Variants in TJP2 observed in about 807,000 individuals in gnomAD.
TJP2 encodes the protein Friedreich ataxia region gene X104 (tight junction protein ZO-2).
Under a neutral mutation model 133.1 loss-of-function variants are expected in TJP2, and 91 were observed. The ratio of observed to expected loss-of-function variants is 0.68; its 90% confidence interval spans 0.58 to 0.81. The LOEUF is 0.81. TJP2 is among the 40% of genes least tolerant of loss of function. The pLI is 0.00. For synonymous variants in TJP2, 592 were observed against 583.4 expected (o/e 1.01, Z -0.21); for missense variants, 1,541 against 1,565.6 (o/e 0.98, Z 0.26).
intron 17 of TJP2, 41 bp from the exon 18 acceptor site, chr9:69,246,649 T>G: frequency 6.5e-7 from 1 of 1,536,730 alleles, no homozygotes; most frequent in Non-Finnish European, 9.0e-7. Context: ...TAAACATGCC[T>G]CTGGAAATTA....
rs980051749 is a variant in TJP2, at chr9:69,246,533, A to G, written c.2567-157A>G. On this transcript the variant is annotated intron_variant, in intron 17 of 22. Coordinates refer to ENST00000377245, the MANE Select transcript of TJP2 (RefSeq NM_004817.4). ...ATGATTAGTAGTTTTAATTGCATTC[A>G]TTAAAAGGGTTTTAATATTCAAAGA... 1.1e-5 allele frequency: 8 copies of G among 703,364 alleles called. No homozygotes were observed. In the African/African-American group the frequency reaches 1.4e-4, roughly 12 times the overall value. The allele number at this position is 703,364 out of a possible 1,614,324, so 43.6% of individuals were successfully genotyped here.
intron 1 of TJP2, among the ~76,000 whole-genome samples, chr9:69,127,565 AAAG>A (rs1221088859): frequency 1.3e-5 from 1 of 74,548 alleles, no homozygotes; most frequent in Non-Finnish European, 3.1e-5. Context: ...AAAAAAAAAA[AAAG>A]ATGTTTTTAA....
intron 1 of TJP2, among the ~76,000 whole-genome samples, chr9:69,206,839 A>G (rs1239357530): frequency 6.6e-6 from 1 of 152,130 alleles, no homozygotes; most frequent in Non-Finnish European, 1.5e-5. Flanking sequence ...GGCCTCCCAA[A>G]GTGCTGGGAT....
chr9:69,158,350 AAAG>A, intron 2 of TJP2, among the ~76,000 whole-genome samples: 1 of 150,548 alleles, frequency 6.6e-6, no homozygotes, highest in African/African-American at 2.4e-5. Context: ...AAAAAAAAAA[AAAG>A]CTGACCCAGA....
chr9:69,237,931 G>C lies in TJP2; in HGVS notation c.2233G>C (p.Glu745Gln), dbSNP rs1830310616. The change falls in exon 15 of 23, where the codon GAA becomes CAA. Residue 745 changes from glutamate (E) to glutamine (Q), a missense_variant. Coordinates refer to ENST00000377245, the MANE Select transcript of TJP2 (RefSeq NM_004817.4). ...LFGPIADIAM[E>Q]KLANELPDWF... ...CGGCCCCATAGCTGATATAGCAATG[G>C]AAAAATTGGCTAATGAGTTACCTGA... The C allele has an allele frequency of 6.2e-7, 1 of 1,613,830 alleles. No individual in the cohort carries two copies. The highest frequency in any genetic ancestry group is 8.5e-7 in the Non-Finnish European group (1 of 1,179,882).
At chr9:69,147,570 T>C (rs933128803) in intron 1 of TJP2, among the ~76,000 whole-genome samples, 3 of 152,200 alleles carry the variant, frequency 2.0e-5, no homozygotes, top group African/African-American at 7.2e-5. Context: ...CTCAGGGTCT[T>C]TCATGAAGGG....
Position 69,221,046 on chromosome 9 carries a change from A to G in TJP2, c.502A>G (p.Ser168Gly). The G allele has an allele frequency of 6.2e-7, 1 of 1,605,500 alleles. No individual in the cohort carries two copies. Among genetic ancestry groups the G allele is most frequent in the Non-Finnish European group, 8.5e-7 (1 of 1,176,772 alleles). Residue 168 changes from serine (S) to glycine (G), a missense_variant, in exon 5 of 23, where the codon AGC (serine) becomes GGC (glycine). Transcript: ENST00000377245. ...CCGGCTGAACAGCCATGGGGGGCGC[A>G]GCCGCAGCTGGGAGGACAGCCCGGA... is the stretch of plus-strand genomic sequence containing the variant. The part of the protein sequence containing the change: ...RSRLNSHGGR[S>G]RSWEDSPERG...
In TJP2 at chr9:69,210,388, A is replaced by G. The variant is rs576315451; in HGVS notation, c.61-2160A>G. Among the ~76,000 whole-genome samples the G allele has an allele frequency of 1.7e-3, 263 of 151,614 alleles. 1 individual carries two copies. The highest frequency in any genetic ancestry group is 5.6e-3 in the African/African-American group (232 of 41,420). ...TGTATCCATCTCTAGATGTATTAAA[A>G]AGAAAAAACTTTGAGTGCCTACTCT... On this transcript the variant is annotated intron_variant, in intron 1 of 22. Coordinates refer to ENST00000377245, the MANE Select transcript of TJP2 (RefSeq NM_004817.4).
chr9:69,212,455 G>T (rs1827988050), intron 1 of TJP2, 93 bp from the exon 2 acceptor site: 3 of 958,896 alleles, frequency 3.1e-6, no homozygotes, highest in African/African-American at 3.2e-5. Context: ...GTGTGAGCTG[G>T]ACTTTATGTC....
chr9:69,251,525 A>G (rs1831331820), intron 21 of TJP2, among the ~76,000 whole-genome samples, 161 bp downstream of exon 21: 1 of 152,216 alleles, frequency 6.6e-6, no homozygotes, highest in South Asian at 2.1e-4. Context: ...AGCTCCCAGC[A>G]CGTCCCTTGT....
upstream of TJP2, among the ~76,000 whole-genome samples, chr9:69,170,189 T>C (rs1484950877): frequency 6.6e-6 from 1 of 152,050 alleles, no homozygotes; most frequent in Non-Finnish European, 1.5e-5. Context: ...TAATATACAC[T>C]GAAAAGTTGA....
At chr9:69,172,770 AC>A (rs1241958825), upstream of TJP2, among the ~76,000 whole-genome samples, 1 of 152,080 alleles carries the variant, frequency 6.6e-6, no homozygotes, top group East Asian at 1.9e-4. Flanking sequence ...ATGGGGTCTC[AC>A]TATGTTGCCC....
chr9:69,216,255 A>T, intron 2 of TJP2, 84 bp from the exon 3 acceptor site: 1 of 1,537,754 alleles, frequency 6.5e-7, no homozygotes, highest in Non-Finnish European at 8.9e-7. Flanking sequence ...TATTGATTTG[A>T]CCTTTATTTT....
intron 21 of TJP2, 85 bp from the exon 22 acceptor site, chr9:69,252,730 G>T: frequency 7.9e-7 from 1 of 1,267,910 alleles, no homozygotes; most frequent in East Asian, 2.4e-5. Flanking sequence ...TATGGGGAAA[G>T]GGTGGGACCA....
chr9:69,254,994 A>T lies in TJP2; in HGVS notation c.*620A>T, dbSNP rs4558. 14,748 of 197,288 alleles carry T rather than the reference A, an allele frequency of 0.075. 618 individuals carry two copies. The highest frequency in any genetic ancestry group is 0.082 in the Non-Finnish European group (7,922 of 96,440). The allele number at this position is 197,288 out of a possible 1,614,324, so 12.2% of individuals were successfully genotyped here. A position where few individuals can be genotyped will look rare whatever the true frequency, so the allele number is the denominator to read the frequency against. On this transcript the variant is annotated 3_prime_UTR_variant, in exon 23 of 23. Transcript: ENST00000377245. The stretch of plus-strand genomic sequence containing the variant: ...TTTGTCTTTGTAATATTTTCCATAA[A>T]TTTGGACTGTCTATATCATAACTAT...
intron 18 of TJP2, among the ~76,000 whole-genome samples, chr9:69,247,740 G>A (rs914611758): frequency 2.6e-5 from 4 of 152,170 alleles, no homozygotes; most frequent in African/African-American, 9.7e-5. Context: ...AAGCAAGACA[G>A]ACTGAGAAAG....
At chr9:69,218,199 T>G in intron 3 of TJP2, 58 bp from the exon 4 acceptor site, 1 of 1,363,934 alleles carries the variant, frequency 7.3e-7, no homozygotes, top group Non-Finnish European at 1.0e-6. Context: ...CCTAAATAAA[T>G]AATTTACAAT....
chr9:69,139,798 C>T (rs773967200), intron 1 of TJP2, among the ~76,000 whole-genome samples: 8 of 152,148 alleles, frequency 5.3e-5, no homozygotes, highest in African/African-American at 1.9e-4. Flanking sequence ...CGAACTCGGC[C>T]GTGTCTTCTA....
At chr9:69,144,740 AGCCCTCTCCATGTGGCGGGG>A (rs1823143061) in intron 1 of TJP2, among the ~76,000 whole-genome samples, 2 of 152,238 alleles carry the variant, frequency 1.3e-5, no homozygotes, top group African/African-American at 4.8e-5. Context: ...ACTAGTGAAG[AGCCCTCTCCATGTGGCGGGG>A]CACATGACTA....
Sources: gnomAD v4.1 joint callset for allele counts (sites outside exome capture counted in the v4.1 genomes callset) on GRCh38, gnomAD v4.1.1 for gene constraint, MANE v1.5 for transcripts, NCBI Gene and HGNC (gene_info 2026-07-23, HGNC 2026-07-21) for gene names.